KAZN: variants seen among roughly 807,000 people sequenced by gnomAD.
The protein encoded by KAZN is kazrin, periplakin interacting protein, also known as kazrin.
In KAZN, 40 loss-of-function variants were observed where a neutral mutation model predicts 87.4. That is an observed-to-expected ratio of 0.46 (90% CI 0.36 to 0.60). The LOEUF is 0.60. Ranked by LOEUF, KAZN falls within the 20% of genes least tolerant of loss-of-function variation. KAZN has a pLI of 0.00. For synonymous variants in KAZN, 466 were observed against 458.3 expected (o/e 1.02, Z -0.22); for missense variants, 898 against 1,073.9 (o/e 0.84, Z 2.29).
chr1:14,464,650 T>C (rs1668021820), intron 2 of KAZN, among the ~76,000 whole-genome samples: 2 of 152,108 alleles, frequency 1.3e-5, no homozygotes, highest in Admixed American at 1.3e-4. Context: ...GCAATTCTCC[T>C]GCCTCAGCCT....
At chr1:14,684,820 C>A (rs1339408428) in intron 1 of KAZN, among the ~76,000 whole-genome samples, 1 of 152,180 alleles carries the variant, frequency 6.6e-6, no homozygotes, top group Non-Finnish European at 1.5e-5. Flanking sequence ...ACCTGGATAA[C>A]CCAGGATCAT....
chr1:14,845,655 C>T (rs1213991967), intron 1 of KAZN, among the ~76,000 whole-genome samples: 1 of 152,098 alleles, frequency 6.6e-6, no homozygotes, highest in Admixed American at 6.5e-5. Flanking sequence ...ATTGTAGTTT[C>T]CCAGATTGCC....
intron 2 of KAZN, among the ~76,000 whole-genome samples, chr1:14,503,181 A>G (rs1225803050): frequency 2.0e-5 from 3 of 151,888 alleles, no homozygotes; most frequent in African/African-American, 7.3e-5. Flanking sequence ...TCAGAGAGGT[A>G]TTATTAAGAT....
chr1:14,224,291 G>A (rs971756369), intron 2 of KAZN, among the ~76,000 whole-genome samples: 4 of 152,136 alleles, frequency 2.6e-5, no homozygotes, highest in Admixed American at 6.6e-5. Flanking sequence ...AAGGACCAAC[G>A]AAAGCAAAGC....
chr1:14,560,909 T>G (rs10927464), intron 2 of KAZN, among the ~76,000 whole-genome samples: 98,950 of 152,012 alleles, frequency 0.65, 32,372 homozygotes, highest in Admixed American at 0.7. Context: ...GAACAGGAAG[T>G]TGGATGGTAC....
chr1:14,924,045 G>A, intron 1 of KAZN: 1 of 892,988 alleles, frequency 1.1e-6, no homozygotes, highest in Non-Finnish European at 1.3e-6. Context: ...TGGGCGCCGC[G>A]GCGGGGCGGG....
intron 2 of KAZN, among the ~76,000 whole-genome samples, chr1:14,203,450 A>G (rs1186665638): frequency 6.6e-6 from 1 of 152,206 alleles, no homozygotes; most frequent in Non-Finnish European, 1.5e-5. Flanking sequence ...TTAAAATTGT[A>G]TTAATTACTC....
rs1323513671 is a variant in KAZN at position 15,056,107 on chromosome 1, C to G, written c.743C>G (p.Ala248Gly). 6.2e-7 allele frequency: 1 copy of G among 1,612,278 alleles called. No homozygotes were observed. The highest frequency in any genetic ancestry group is 8.5e-7 in the Non-Finnish European group (1 of 1,178,694). ...AELAMAKQSLATLTKDVPKRH... is the reference protein window; with the variant it reads ...AELAMAKQSLGTLTKDVPKRH... ...TCTCTCCAGGCCAAACAGTCCTTAG[C>G]TACGCTGACCAAGGACGTCCCCAAG... Residue 248 changes from alanine to glycine, a missense_variant, in exon 5 of 15, where the codon GCT becomes GGT. Ala to Gly is a moderately conservative substitution (Grantham distance 60). This residue lies in a region of KAZN where 521 missense variants were observed against 689.4 expected (regional missense o/e 0.76). Coordinates refer to ENST00000376030, the MANE Select transcript of KAZN (RefSeq NM_201628.3). This position sits in a 1 kb window ranked among gnomAD's most constrained non-coding sequence, Gnocchi z 5.4.
chr1:14,140,844 A>T (rs1193834118), intron 1 of KAZN, among the ~76,000 whole-genome samples: 6 of 152,152 alleles, frequency 3.9e-5, no homozygotes, highest in South Asian at 2.1e-4. Flanking sequence ...TCGGCTGGGA[A>T]GATGCCCTCA....
intron 1 of KAZN, among the ~76,000 whole-genome samples, chr1:14,848,159 C>A (rs189894011): frequency 2.6e-5 from 4 of 152,224 alleles, no homozygotes; most frequent in African/African-American, 4.8e-5. Context: ...CCTTCCCACA[C>A]GTCTCTGAGC....
At chr1:14,948,709 A>C (rs1239836732) in intron 1 of KAZN, among the ~76,000 whole-genome samples, 1 of 152,182 alleles carries the variant, frequency 6.6e-6, no homozygotes, top group Non-Finnish European at 1.5e-5. Flanking sequence ...GTGGCCTCTC[A>C]GAGAAAGCAG....
chr1:14,164,045 C>T (rs1337488245), intron 1 of KAZN, among the ~76,000 whole-genome samples: 4 of 152,152 alleles, frequency 2.6e-5, no homozygotes, highest in Non-Finnish European at 5.9e-5. Flanking sequence ...GAAAAGCCAC[C>T]CAAATTTTTA....
At chr1:14,034,327 C>A (rs1235296927) in intron 1 of KAZN, among the ~76,000 whole-genome samples, 1 of 151,974 alleles carries the variant, frequency 6.6e-6, no homozygotes, top group African/African-American at 2.4e-5. Context: ...TTGCAAGGGT[C>A]TCCAGGAGAC....
At chr1:15,107,147 T>C (rs1277699393) in intron 13 of KAZN, among the ~76,000 whole-genome samples, 1 of 152,152 alleles carries the variant, frequency 6.6e-6, no homozygotes, top group Admixed American at 6.6e-5. Flanking sequence ...GCTAGAATAG[T>C]GCCCCTTTTG....
intron 1 of KAZN, among the ~76,000 whole-genome samples, chr1:14,007,944 G>A (rs189236771): frequency 4.3e-4 from 66 of 152,250 alleles, no homozygotes; most frequent in Middle Eastern, 3.4e-3. Context: ...GTTCAGTTAC[G>A]TCCTTTTGGC....
chr1:14,713,163 T>C lies in KAZN; in HGVS notation c.226+113940T>C, dbSNP rs547511089. 3.3e-5 allele frequency among the ~76,000 whole-genome samples: 5 copies of C among 152,276 alleles called. No individual in the cohort carries two copies. In the South Asian group the frequency reaches 1.0e-3, roughly 32 times the overall value. On this transcript the variant is annotated intron_variant, in intron 1 of 14. Coordinates refer to ENST00000376030, the MANE Select transcript of KAZN (RefSeq NM_201628.3). ...CACCAGGCTCTGCTCTGTGTGTCTC[T>C]CCTCCTTCATTACGCTAGCACAGGC...
Position 14,253,312 on chromosome 1 carries a change from C to T in KAZN, c.249+72720C>T, listed in dbSNP as rs76323912. Among the ~76,000 whole-genome samples the T allele has an allele frequency of 2.7e-3, 407 of 152,242 alleles. 10 individuals carry two copies. The East Asian group carries it at 0.059, about 22-fold the overall frequency. The stretch of plus-strand genomic sequence containing the variant: ...ACAACCCACCTAAAAAGTACCCTAC[C>T]CTTGCAGATTCCCTTCTTGCTCATC... On this transcript the variant is annotated intron_variant, in intron 2 of 16. Transcript: ENST00000636203.
At chr1:14,001,029 G>A (rs576763014) in intron 1 of KAZN, among the ~76,000 whole-genome samples, 27 of 151,998 alleles carry the variant, frequency 1.8e-4, no homozygotes, top group African/African-American at 5.1e-4. Flanking sequence ...TGATCCGCCC[G>A]CCTCAGCCTC....
chr1:14,830,205 G>A (rs979850856), intron 1 of KAZN, among the ~76,000 whole-genome samples: 4 of 152,156 alleles, frequency 2.6e-5, no homozygotes. Flanking sequence ...CTTCCTTTGT[G>A]TTGGCTTCAC....
Sources: allele counts gnomAD v4.1 joint callset (sites outside exome capture counted in the v4.1 genomes callset), GRCh38; gene constraint gnomAD v4.1.1; regional missense constraint gnomAD v4.1.1; non-coding constraint Gnocchi (gnomAD v3.1); transcripts MANE v1.5; gene names NCBI Gene and HGNC (gene_info 2026-07-23, HGNC 2026-07-21).